Variants in ADGRB3 observed in about 807,000 individuals in gnomAD.
The protein encoded by ADGRB3 is adhesion G protein-coupled receptor B3.
Under a neutral mutation model 193.4 loss-of-function variants are expected in ADGRB3, and 37 were observed. The ratio of observed to expected loss-of-function variants is 0.19; its 90% CI spans 0.15 to 0.25. The LOEUF is 0.25. ADGRB3 is among the 10% of genes least tolerant of loss of function. The probability of loss-of-function intolerance (pLI) is 1.00; values close to 1 mark genes in which losing one functional copy is unlikely to be tolerated. For missense variants in ADGRB3, 1,637 were observed against 1,852.9 expected, an observed-to-expected ratio of 0.88 and a Z score of 2.14; for synonymous variants, 690 against 644.2, an observed-to-expected ratio of 1.07 and a Z score of -1.08.
At chr6:68,802,205 TG>T (rs58705639) in intron 3 of ADGRB3, among the ~76,000 whole-genome samples, 1,692 of 151,976 alleles carry the variant, frequency 0.011, 30 homozygotes, top group African/African-American at 0.036. Flanking sequence ...TGTGTGTGTG[TG>T]TGTGTATGTG....
intron 17 of ADGRB3, among the ~76,000 whole-genome samples, chr6:69,115,464 G>A (rs1773503912): frequency 6.6e-6 from 1 of 152,034 alleles, no homozygotes; most frequent in African/African-American, 2.4e-5. Context: ...GGGGTTAGGG[G>A]AGGGATAGCA....
chr6:69,214,325 T>C (rs1044390183), intron 17 of ADGRB3, among the ~76,000 whole-genome samples: 4 of 152,150 alleles, frequency 2.6e-5, no homozygotes, highest in Admixed American at 6.5e-5. Flanking sequence ...GTACCTGATA[T>C]GGCTTTTCAG....
At chr6:69,367,511 C>T (rs896796664) in intron 29 of ADGRB3, among the ~76,000 whole-genome samples, 14 of 151,948 alleles carry the variant, frequency 9.2e-5, no homozygotes, top group Non-Finnish European at 1.6e-4. Flanking sequence ...TCTCCACATC[C>T]TCTCCAGCAC....
intron 20 of ADGRB3, among the ~76,000 whole-genome samples, chr6:69,310,006 CCTT>C (rs1249422947): frequency 6.6e-5 from 10 of 151,652 alleles, no homozygotes; most frequent in African/African-American, 2.4e-4. Flanking sequence ...CCAGATCTCT[CCTT>C]CTTCCTCTAC....
chr6:68,840,833 C>T (rs906121799), intron 3 of ADGRB3, among the ~76,000 whole-genome samples: 7 of 152,080 alleles, frequency 4.6e-5, no homozygotes, highest in Admixed American at 4.6e-4. Context: ...AAAAACAAGA[C>T]CTAATGATCT....
intron 6 of ADGRB3, among the ~76,000 whole-genome samples, chr6:68,951,835 A>G (rs1223347001): frequency 6.6e-6 from 1 of 152,056 alleles, no homozygotes; most frequent in Non-Finnish European, 1.5e-5. Context: ...AGAGACATTG[A>G]TTGTCTCTAC....
At position 69,210,151 on chromosome 6, in the gene ADGRB3, T is replaced by TATATATATATATATATATATATATATC. The variant is rs1429577666; in HGVS notation, c.2481-23120_2481-23119insTATATATCATATATATATATATATATA. Among the ~76,000 whole-genome samples, 27 of 112,222 alleles carry TATATATATATATATATATATATATATC rather than the reference T, an allele frequency of 2.4e-4. 1 individual carries two copies. The highest frequency in any genetic ancestry group is 9.4e-4 in the Admixed American group (11 of 11,732). 73.6% of individuals were successfully genotyped at this position (112,222 alleles called of 152,430 possible). A position where few individuals can be genotyped will look rare whatever the true frequency, so the allele number is the denominator to read the frequency against. On this transcript the variant is annotated intron_variant, in intron 17 of 31. Transcript: ENST00000370598. ...ATATATCATATATTAATATATATCA[T>TATATATATATATATATATATATATATC]ATATATATATATATATATAAAGGGG...
chr6:69,078,078 C>T (rs17402611), intron 17 of ADGRB3, among the ~76,000 whole-genome samples: 48,369 of 151,582 alleles, frequency 0.32, 9,398 homozygotes, highest in East Asian at 0.86. Context: ...AATATAGGTC[C>T]TCTAAATATA....
At chr6:69,287,157 T>A (rs1181059207) in intron 20 of ADGRB3, among the ~76,000 whole-genome samples, 1 of 152,202 alleles carries the variant, frequency 6.6e-6, no homozygotes, top group Non-Finnish European at 1.5e-5. Flanking sequence ...TGCATGCATG[T>A]GGTGTATGTG....
At chr6:69,368,203 A>G (rs1004517153) in intron 29 of ADGRB3, among the ~76,000 whole-genome samples, 1 of 152,150 alleles carries the variant, frequency 6.6e-6, no homozygotes, top group Non-Finnish European at 1.5e-5. Flanking sequence ...CCATCCGTCC[A>G]TTCATCCATA....
intron 3 of ADGRB3, among the ~76,000 whole-genome samples, chr6:68,658,176 A>G (rs1376250527): frequency 2.0e-5 from 3 of 151,298 alleles, no homozygotes; most frequent in Non-Finnish European, 4.4e-5. Flanking sequence ...GAAAAGACTG[A>G]GACACAGAAA....
intron 17 of ADGRB3, among the ~76,000 whole-genome samples, chr6:69,091,887 T>TA (rs367552488): frequency 5.9e-5 from 9 of 152,104 alleles, no homozygotes; most frequent in African/African-American, 1.9e-4. Flanking sequence ...TTGACATGAT[T>TA]AAAAAAATGT....
intron 17 of ADGRB3, among the ~76,000 whole-genome samples, chr6:69,092,575 G>T (rs970276877): frequency 1.2e-4 from 18 of 152,168 alleles, no homozygotes; most frequent in African/African-American, 4.3e-4. Flanking sequence ...AAAAGATTTT[G>T]TGTGCAAGTT....
chr6:69,043,290 G>GAGAAAGAAAGAAAGAA (rs145178367), intron 13 of ADGRB3, among the ~76,000 whole-genome samples: 3,121 of 88,036 alleles, frequency 0.035, 84 homozygotes, highest in Middle Eastern at 0.068. Context: ...GGAAGAAAGA[G>GAGAAAGAAAGAAAGAA]AGAAAGAAAG....
chr6:69,297,768 T>C (rs1767861260), intron 20 of ADGRB3, among the ~76,000 whole-genome samples: 1 of 151,878 alleles, frequency 6.6e-6, no homozygotes, highest in Non-Finnish European at 1.5e-5. Flanking sequence ...AAATAGAAAA[T>C]CCAATTTTGA....
chr6:68,764,954 T>C (rs960323298), intron 3 of ADGRB3, among the ~76,000 whole-genome samples: 6 of 152,212 alleles, frequency 3.9e-5, no homozygotes, highest in Non-Finnish European at 8.8e-5. Context: ...TACTCTTTAA[T>C]TTGCCTGCTA....
intron 3 of ADGRB3, among the ~76,000 whole-genome samples, chr6:68,735,027 G>A (rs1475319049): frequency 1.3e-5 from 2 of 151,892 alleles, no homozygotes; most frequent in African/African-American, 2.4e-5. Flanking sequence ...TGCAAAGATT[G>A]AAGAAAATTT....
At chr6:69,005,311 T>C (rs1046732711) in intron 11 of ADGRB3, among the ~76,000 whole-genome samples, 16 of 151,496 alleles carry the variant, frequency 1.1e-4, no homozygotes, top group African/African-American at 3.9e-4. Flanking sequence ...GCAGAATTAC[T>C]CTGTTGCCTC....
chr6:68,728,921 C>G (rs781187918), intron 3 of ADGRB3, among the ~76,000 whole-genome samples: 2 of 151,386 alleles, frequency 1.3e-5, no homozygotes, highest in African/African-American at 4.8e-5. Flanking sequence ...GAAGTTCTTA[C>G]TTAAGCCAAA....
Sources: allele counts gnomAD v4.1 joint callset (sites outside exome capture counted in the v4.1 genomes callset), GRCh38; gene constraint gnomAD v4.1.1; transcripts MANE v1.5; gene names NCBI Gene and HGNC (gene_info 2026-07-23, HGNC 2026-07-21).